PLEC: variants seen among roughly 807,000 people sequenced by gnomAD.
The protein encoded by PLEC is plectin, also known as hemidesmosomal protein 1.
Under a neutral mutation model 392.8 loss-of-function variants are expected in PLEC, and 216 were observed. That is an observed-to-expected ratio of 0.55 (90% confidence interval 0.49 to 0.62). PLEC has a LOEUF of 0.62. Among genes scored for constraint, PLEC ranks in the 20% least tolerant of loss-of-function variants. PLEC has a pLI of 0.00. For missense variants in PLEC, 6,863 were observed against 6,563.4 expected (o/e 1.05, Z -1.58); for synonymous variants, 3,621 against 2,980.6 (o/e 1.21, Z -7.00).
chr8:143,923,410 G>C lies in PLEC; in HGVS notation c.6519C>G (p.Phe2173Leu), dbSNP rs782289515. Reference protein sequence around the residue: ...ADAEMEKHKKFAEQTLRQKAQ... With the variant: ...ADAEMEKHKKLAEQTLRQKAQ... The stretch of plus-strand genomic sequence containing the variant: ...CCTTCTGCCGCAGCGTCTGCTCGGC[G>C]AATTTCTTATGCTTCTCCATCTCCG... Residue 2173 changes from phenylalanine (F) to leucine (L), a missense_variant, in exon 31 of 32, where the codon TTC becomes TTG. Physicochemically the swap from Phe to Leu is conservative, Grantham distance 22. Coordinates refer to ENST00000345136, the MANE Select transcript of PLEC (RefSeq NM_201384.3). The C allele has an allele frequency of 2.8e-5, 45 of 1,610,558 alleles. No individual in the cohort carries two copies. The highest frequency in any genetic ancestry group is 3.6e-5 in the Non-Finnish European group (43 of 1,179,780).
rs1019621052 is a variant in PLEC at position 143,973,262 on chromosome 8, G to C, written c.70+141C>G. ...TCCCCTTCCCTAGGCACTGGCAGCC[G>C]TTGGGGGCGATCCAGGCGGACGAGG... On this transcript the variant is annotated intron_variant, in intron 1 of 31. Coordinates refer to the PLEC transcript ENST00000356346. This position sits in a 1 kb window ranked among gnomAD's most constrained non-coding sequence, Gnocchi z 5.6. 206 of 959,876 alleles carry C rather than the reference G, an allele frequency of 2.1e-4. No individual in the cohort carries two copies. Among genetic ancestry groups the C allele is most frequent in the Non-Finnish European group, 2.8e-4 (193 of 683,066 alleles). 59.5% of individuals were successfully genotyped at this position (959,876 alleles called of 1,614,324 possible).
At chr8:143,947,793 A>G (rs1376531723) in intron 1 of PLEC, among the ~76,000 whole-genome samples, 1 of 152,196 alleles carries the variant, frequency 6.6e-6, no homozygotes, top group Non-Finnish European at 1.5e-5. Context: ...TGAAACTCAC[A>G]TATAAAAACA....
At position 143,934,002 on chromosome 8, in the gene PLEC, TGCAGCAGGGCGTCG is replaced by T; in HGVS notation, c.1245_1258del (p.Asp416ValfsTer27). ...GCCTGCCCCACACCCCCTCACCGAC[TGCAGCAGGGCGTCG>T]GCCTGGTTCAGCTGCTCCTCACACA... On this transcript the variant is annotated frameshift_variant, in exon 12 of 32. Coordinates refer to ENST00000345136, the MANE Select transcript of PLEC (RefSeq NM_201384.3). LOFTEE classifies it high-confidence loss of function. The T allele has an allele frequency of 6.3e-7, 1 of 1,594,060 alleles. No homozygotes were observed. The highest frequency in any genetic ancestry group is 8.5e-7 in the Non-Finnish European group (1 of 1,170,526).
At position 143,918,774 on chromosome 8, in the gene PLEC, A is replaced by G. The variant is rs1183854670; in HGVS notation, c.11047T>C (p.Trp3683Arg). 6.2e-7 allele frequency: 1 copy of G among 1,613,004 alleles called. No homozygotes were observed. Reference sequence around the variant, plus strand: ...GAGCCCGTGCCATAGAGGTAGCACCAGGCGGACTCCGCCTCGAGAGCCTCA... The same window carrying G: ...GAGCCCGTGCCATAGAGGTAGCACCGGGCGGACTCCGCCTCGAGAGCCTCA... ...LREALEAESAWCYLYGTGSVA... is the reference protein window; with the variant it reads ...LREALEAESARCYLYGTGSVA... Residue 3683 changes from tryptophan (W) to arginine (R), a missense_variant, in exon 32 of 32, where the codon TGG becomes CGG. Physicochemically the swap from Trp to Arg is moderately radical, Grantham distance 101. Transcript: ENST00000345136.
chr8:143,927,885 G>A lies in PLEC; in HGVS notation c.3368C>T (p.Pro1123Leu), dbSNP rs376494828. The change falls in exon 26 of 32, where the codon CCG becomes CTG. Residue 1123 changes from proline to leucine, a missense_variant. Transcript: ENST00000345136. ...AGAGGCCTTGGTGGCCTCGAGCTCCGGGAGGGTGGCCGGCACGGCCTGGGC... is the reference window on the plus strand; with the variant it reads ...AGAGGCCTTGGTGGCCTCGAGCTCCAGGAGGGTGGCCGGCACGGCCTGGGC... ...KEAQAVPATLPELEATKASLK... is the reference protein window; with the variant it reads ...KEAQAVPATLLELEATKASLK... 9.2e-5 allele frequency: 147 copies of A among 1,592,592 alleles called. 2 individuals are homozygous for A. Among genetic ancestry groups the A allele is most frequent in the Middle Eastern group, 1.7e-4 (1 of 6,038 alleles).
chr8:143,943,738 T>A (rs782631826), upstream of PLEC: 87 of 1,583,182 alleles, frequency 5.5e-5, no homozygotes, highest in Non-Finnish European at 7.4e-5. Flanking sequence ...GCGGCCCCTC[T>A]GCCCCGCCTC....
At position 143,916,928 on chromosome 8, in the gene PLEC, A is replaced by G; in HGVS notation, c.12893T>C (p.Met4298Thr). 1 of 1,612,916 alleles carries G rather than the reference A, an allele frequency of 6.2e-7. No homozygotes were observed. The highest frequency in any genetic ancestry group is 8.5e-7 in the Non-Finnish European group (1 of 1,179,994). ...GATGTTATCCACCAGGTTCCGGTGC[A>G]TGGCCTCGGTGATGGACACCTTCTC... Reference protein sequence around the residue: ...TLEKVSITEAMHRNLVDNITG... With the variant: ...TLEKVSITEATHRNLVDNITG... The change falls in exon 32 of 32, where the codon ATG (methionine) becomes ACG (threonine). Residue 4298 changes from methionine (M) to threonine (T), a missense_variant. Coordinates refer to ENST00000345136, the MANE Select transcript of PLEC (RefSeq NM_201384.3).
chr8:143,945,803 G>A (rs891591533), intron 1 of PLEC, among the ~76,000 whole-genome samples: 1 of 152,218 alleles, frequency 6.6e-6, no homozygotes, highest in Non-Finnish European at 1.5e-5. Flanking sequence ...GACAACAAGA[G>A]GGCCGGGCCC....
upstream of PLEC, among the ~76,000 whole-genome samples, chr8:143,951,369 G>A (rs1832129993): frequency 6.6e-6 from 1 of 152,116 alleles, no homozygotes. Context: ...AAGAAGCTGG[G>A]GTCTTGCGGG....
intron 12 of PLEC, among the ~76,000 whole-genome samples, 167 bp from the exon 13 acceptor site, chr8:143,933,518 G>A (rs1242356709): frequency 2.6e-5 from 4 of 152,118 alleles, no homozygotes; most frequent in African/African-American, 9.7e-5. Flanking sequence ...TCTTCCTACT[G>A]GCCTTCTGGG....
Position 143,931,924 on chromosome 8 carries a change from C to A in PLEC, c.2178+13G>T. On this transcript the variant is annotated intron_variant, in intron 18 of 31. Transcript: ENST00000345136. ...CCGCTGAGCCACAGTGCGGAGGGGG[C>A]TCCGGTTCTCACCTGAAAGTAGGCA... The A allele has an allele frequency of 6.3e-7, 1 of 1,597,640 alleles. No individual in the cohort carries two copies.
rs1822569026 is a variant in PLEC at position 143,921,267 on chromosome 8, C to T, written c.8554G>A (p.Gly2852Ser). The change falls in exon 32 of 32, where the codon GGC becomes AGC. Residue 2852 changes from glycine (G) to serine (S), a missense_variant. Physicochemically the swap from Gly to Ser is moderately conservative, Grantham distance 56 (BLOSUM62 0). Transcript: ENST00000345136. ...VLADPSDDTK[G>S]FFDPNTHENL... is the part of the protein sequence containing the mutation. ...TCGTGCGTGTTGGGGTCAAAGAAGC[C>T]CTTGGTGTCGTCGCTGGGGTCCGCC... 1 of 1,614,122 alleles carries T rather than the reference C, an allele frequency of 6.2e-7. No individual in the cohort carries two copies. The highest frequency in any genetic ancestry group is 8.5e-7 in the Non-Finnish European group (1 of 1,180,042).
rs1586763478 is a variant in PLEC, at chr8:143,917,519, T to G, written c.12302A>C (p.Tyr4101Ser). 6.2e-7 allele frequency: 1 copy of G among 1,613,812 alleles called. No individual in the cohort carries two copies. The highest frequency in any genetic ancestry group is 8.5e-7 in the Non-Finnish European group (1 of 1,180,014). ...FDPNTEENLT[Y>S]LQLMERCITD... is the part of the protein sequence containing the mutation. ...GATACAACGCTCCATCAGCTGCAGGTAGGTGAGGTTCTCCTCCGTGTTAGG... is the reference window on the plus strand; with the variant it reads ...GATACAACGCTCCATCAGCTGCAGGGAGGTGAGGTTCTCCTCCGTGTTAGG... Residue 4101 changes from tyrosine (Y) to serine (S), a missense_variant, in exon 32 of 32, where the codon TAC becomes TCC. Physicochemically the swap from Tyr to Ser is moderately radical, Grantham distance 144. Coordinates refer to ENST00000345136, the MANE Select transcript of PLEC (RefSeq NM_201384.3).
In PLEC at chr8:143,920,288, G is replaced by A. The variant is rs782422160; in HGVS notation, c.9533C>T (p.Ala3178Val). Residue 3178 changes from alanine (A) to valine (V), a missense_variant, in exon 32 of 32, where the codon GCC becomes GTC. Transcript: ENST00000345136. Reference protein sequence around the residue: ...SRALSAPRADAKAYSDPSTGE... With the variant: ...SRALSAPRADVKAYSDPSTGE... ...TGTGCTGGGGTCACTGTAGGCCTTGGCGTCGGCCCTTGGTGCCGACAGGGC... is the reference window on the plus strand; with the variant it reads ...TGTGCTGGGGTCACTGTAGGCCTTGACGTCGGCCCTTGGTGCCGACAGGGC... The A allele has an allele frequency of 3.1e-6, 5 of 1,592,172 alleles. No individual in the cohort carries two copies. The highest frequency in any genetic ancestry group is 4.3e-6 in the Non-Finnish European group (5 of 1,175,310).
At chr8:143,942,511 G>C, upstream of PLEC, 2 of 1,574,636 alleles carry the variant, frequency 1.3e-6, no homozygotes, top group Non-Finnish European at 1.7e-6. Context: ...CCCCGCCCCC[G>C]ACATGCCGGC....
rs895862806 is a variant in PLEC, at chr8:143,936,967, C to T, written c.435+12G>A. Reference sequence around the variant, plus strand: ...CTGCAGGGGGTGGGGGTCCTGGGGGCAGCCGTTCTACCTGGAAGTGCAGAA... The same window carrying T: ...CTGCAGGGGGTGGGGGTCCTGGGGGTAGCCGTTCTACCTGGAAGTGCAGAA... On this transcript the variant is annotated intron_variant, in intron 5 of 31. Coordinates refer to ENST00000345136, the MANE Select transcript of PLEC (RefSeq NM_201384.3). The T allele has an allele frequency of 1.2e-6, 2 of 1,603,608 alleles. No individual in the cohort carries two copies. The highest frequency in any genetic ancestry group is 2.2e-5 in the East Asian group (1 of 44,740).
chr8:143,946,845 C>T (rs183231781), intron 1 of PLEC, among the ~76,000 whole-genome samples: 304 of 151,046 alleles, frequency 2.0e-3, no homozygotes, highest in African/African-American at 7.0e-3. Context: ...GCCCACCACA[C>T]CCCACTCCTT....
Position 143,926,761 on chromosome 8 carries a change from A to C in PLEC, c.4044+23T>G, listed in dbSNP as rs782195105. On this transcript the variant is annotated intron_variant, in intron 30 of 31. Coordinates refer to ENST00000345136, the MANE Select transcript of PLEC (RefSeq NM_201384.3). ...GGTGGTGAGATGGAACCCTCTGCCC[A>C]GCCTCCGCCCAACGGGCTGTACCTC... 1.3e-5 allele frequency: 21 copies of C among 1,592,942 alleles called. No homozygotes were observed. The East Asian group carries it at 4.7e-4, about 36-fold the overall frequency.
chr8:143,965,899 C>A (rs1354134369), intron 1 of PLEC, among the ~76,000 whole-genome samples: 2 of 152,192 alleles, frequency 1.3e-5, no homozygotes, highest in Non-Finnish European at 2.9e-5. Flanking sequence ...GGAACTCCTT[C>A]CCCAGGGAAC....
Sources: allele counts gnomAD v4.1 joint callset (sites outside exome capture counted in the v4.1 genomes callset), GRCh38; gene constraint gnomAD v4.1.1; non-coding constraint Gnocchi (gnomAD v3.1); transcripts MANE v1.5; gene names NCBI Gene and HGNC (gene_info 2026-07-23, HGNC 2026-07-21).